ASCC3: variants seen among roughly 807,000 people sequenced by gnomAD.
ASCC3 encodes the protein ASC-1 complex subunit P200.
Under a neutral mutation model 256.3 loss-of-function variants are expected in ASCC3, and 158 were observed. The observed-to-expected ratio is 0.62, with a 90% CI of 0.54 to 0.70. The LOEUF (loss-of-function observed/expected upper bound fraction) is 0.70. Among genes scored for constraint, ASCC3 ranks in the 30% least tolerant of loss-of-function variants. The pLI is 0.00. For missense variants in ASCC3, 2,259 were observed against 2,626.0 expected, an observed-to-expected ratio of 0.86 and a Z score of 3.05; for synonymous variants, 948 against 883.4, an observed-to-expected ratio of 1.07 and a Z score of -1.30.
In ASCC3 at chr6:100,780,721, C is replaced by G. The variant is rs527314475; in HGVS notation, c.1396-13376G>C. Among the ~76,000 whole-genome samples the G allele has an allele frequency of 1.2e-4, 18 of 152,264 alleles. No homozygotes were observed. In the South Asian group the frequency reaches 3.1e-3, roughly 26 times the overall value. On this transcript the variant is annotated intron_variant, in intron 8 of 41. Transcript: ENST00000369162. ...CTTGGTAAGCATAAAAACAAGGAAACAAGTAACCATTTGTTGAATGTGTTA... is the reference window on the plus strand; with the variant it reads ...CTTGGTAAGCATAAAAACAAGGAAAGAAGTAACCATTTGTTGAATGTGTTA...
Position 100,766,725 on chromosome 6 carries a change from G to A in ASCC3, c.1597-20C>T. On this transcript the variant is annotated intron_variant, in intron 9 of 41. Transcript: ENST00000369162. ...TACAATCTATACCAAAGGAACACTA[G>A]CTTGATTAATGAGCAAAAACTACCA... is the stretch of plus-strand genomic sequence containing the variant. 6.2e-7 allele frequency: 1 copy of A among 1,613,820 alleles called. No individual in the cohort carries two copies. The highest frequency in any genetic ancestry group is 1.1e-5 in the South Asian group (1 of 91,080).
intron 4 of ASCC3, among the ~76,000 whole-genome samples, chr6:100,807,889 AT>A (rs1770268187): frequency 6.6e-6 from 1 of 151,956 alleles, no homozygotes; most frequent in South Asian, 2.1e-4. Flanking sequence ...TATGTATAAA[AT>A]TGCTAGTGAA....
chr6:100,561,498 A>G (rs971693870), intron 36 of ASCC3, among the ~76,000 whole-genome samples: 2 of 152,128 alleles, frequency 1.3e-5, no homozygotes, highest in African/African-American at 4.8e-5. Context: ...TCAGTCTGGT[A>G]TCACCCACGT....
intron 36 of ASCC3, among the ~76,000 whole-genome samples, chr6:100,561,143 C>A (rs186140939): frequency 0.017 from 2,506 of 148,658 alleles, 61 homozygotes; most frequent in African/African-American, 0.059. Flanking sequence ...AAAAAAAAAA[C>A]CATTGCTTGG....
intron 14 of ASCC3, among the ~76,000 whole-genome samples, chr6:100,668,182 A>C (rs1582663900): frequency 6.6e-6 from 1 of 152,052 alleles, no homozygotes. Context: ...CAAGCTTAAA[A>C]TGTTTACTAC....
intron 1 of ASCC3, among the ~76,000 whole-genome samples, chr6:100,878,033 A>G (rs1312611658): frequency 6.6e-6 from 1 of 152,212 alleles, no homozygotes; most frequent in Admixed American, 6.5e-5. Context: ...TGTTATGCCA[A>G]CTTGATGTCC....
At chr6:100,794,436 G>T (rs1283994290) in intron 8 of ASCC3, among the ~76,000 whole-genome samples, 1 of 151,934 alleles carries the variant, frequency 6.6e-6, no homozygotes, top group African/African-American at 2.4e-5. Flanking sequence ...TGTCTATCTG[G>T]CAAAAGTGTA....
intron 13 of ASCC3, among the ~76,000 whole-genome samples, chr6:100,682,223 TATTCATTCATTC>T (rs71276576): frequency 1.3e-5 from 2 of 151,586 alleles, no homozygotes; most frequent in South Asian, 4.2e-4. Flanking sequence ...GTAATTTATT[TATTCATTCATTC>T]ATTCATATGT....
intron 8 of ASCC3, among the ~76,000 whole-genome samples, chr6:100,795,048 T>A (rs762987340): frequency 6.6e-6 from 1 of 152,072 alleles, no homozygotes; most frequent in African/African-American, 2.4e-5. Flanking sequence ...AATGAGGATA[T>A]ACAAGTGAGT....
At chr6:100,570,444 G>C (rs1198995216) in intron 36 of ASCC3, among the ~76,000 whole-genome samples, 1 of 152,026 alleles carries the variant, frequency 6.6e-6, no homozygotes, top group Non-Finnish European at 1.5e-5. Flanking sequence ...ATGTTCCTTT[G>C]ATACCTAGCT....
intron 36 of ASCC3, among the ~76,000 whole-genome samples, chr6:100,581,332 G>C (rs1447287526): frequency 6.6e-6 from 1 of 152,102 alleles, no homozygotes; most frequent in African/African-American, 2.4e-5. Flanking sequence ...CTGATGGCCA[G>C]TGATGGTGAG....
chr6:100,800,784 A>G (rs114320674), intron 5 of ASCC3, among the ~76,000 whole-genome samples: 2,966 of 151,920 alleles, frequency 0.02, 90 homozygotes, highest in African/African-American at 0.069. Context: ...TAACATTAGG[A>G]ACCTAAAAAT....
At chr6:100,784,078 G>C (rs1269307831) in intron 8 of ASCC3, among the ~76,000 whole-genome samples, 1 of 151,988 alleles carries the variant, frequency 6.6e-6, no homozygotes, top group Non-Finnish European at 1.5e-5. Context: ...CCAAGTTAAA[G>C]GCTTGTAAAA....
At chr6:100,857,481 ATC>A (rs1459222418) in intron 3 of ASCC3, 1 of 152,044 alleles carries the variant, frequency 6.6e-6, no homozygotes, top group African/African-American at 2.4e-5. Flanking sequence ...ACTCTTTTAC[ATC>A]TTTTAGAAGA....
chr6:100,511,444 T>C (rs1024774842), intron 40 of ASCC3, among the ~76,000 whole-genome samples: 1 of 151,870 alleles, frequency 6.6e-6, no homozygotes, highest in Non-Finnish European at 1.5e-5. Context: ...TGAAACCTCA[T>C]ATTAAGGTCA....
rs187432247 is a variant in ASCC3 at position 100,563,846 on chromosome 6, T to A, written c.5551-23459A>T. 4.3e-3 allele frequency among the ~76,000 whole-genome samples: 659 copies of A among 152,266 alleles called. 5 individuals are homozygous for A. The highest frequency in any genetic ancestry group is 0.015 in the African/African-American group (636 of 41,554). On this transcript the variant is annotated intron_variant, in intron 36 of 41. Transcript: ENST00000369162. ...ATTAAAATTGATATCGATATTAAAA[T>A]ATTATTACTAATGAAAGCTAGCAAC...
intron 8 of ASCC3, among the ~76,000 whole-genome samples, chr6:100,772,697 G>A (rs1042393225): frequency 3.3e-5 from 5 of 152,214 alleles, no homozygotes; most frequent in African/African-American, 7.2e-5. Context: ...ACTTAGCCTC[G>A]GAAGGACAGT....
At chr6:100,698,608 T>A (rs1778197863) in intron 13 of ASCC3, among the ~76,000 whole-genome samples, 1 of 152,126 alleles carries the variant, frequency 6.6e-6, no homozygotes, top group East Asian at 1.9e-4. Flanking sequence ...TAGGAGAAAT[T>A]AGATAATTTA....
intron 8 of ASCC3, among the ~76,000 whole-genome samples, chr6:100,770,997 A>G (rs1781891510): frequency 6.6e-6 from 1 of 152,120 alleles, no homozygotes; most frequent in South Asian, 2.1e-4. Flanking sequence ...GAAAAAGAAT[A>G]ACAATGTTAG....
Sources: allele counts gnomAD v4.1 joint callset (sites outside exome capture counted in the v4.1 genomes callset), GRCh38; gene constraint gnomAD v4.1.1; transcripts MANE v1.5; gene names NCBI Gene and HGNC (gene_info 2026-07-23, HGNC 2026-07-21).